The following SMAD5 variants were observed in gnomAD, a reference collection of about 807,000 sequenced individuals.
The protein encoded by SMAD5 is SMAD family member 5, also known as MAD, mothers against decapentaplegic homolog 5.
In SMAD5, 9 loss-of-function variants were observed where a neutral mutation model predicts 43.1. That is an observed-to-expected ratio of 0.21 (90% CI 0.13 to 0.36). The LOEUF is 0.36. Among genes scored for constraint, SMAD5 ranks in the 10% least tolerant of loss-of-function variants. The probability of loss-of-function intolerance (pLI) is 1.00; values close to 1 mark genes in which losing one functional copy is unlikely to be tolerated. For missense variants in SMAD5, 348 were observed against 574.0 expected (o/e 0.61, Z 4.02); for synonymous variants, 190 against 192.4 (o/e 0.99, Z 0.10).
At chr5:136,135,091 A>G (rs1210523448) in intron 1 of SMAD5, among the ~76,000 whole-genome samples, 2 of 152,254 alleles carry the variant, frequency 1.3e-5, no homozygotes, top group African/African-American at 4.8e-5. Flanking sequence ...TAGGCGCCAC[A>G]GAAATGGGTA....
chr5:136,175,984 T>G (rs1412777825), intron 7 of SMAD5, among the ~76,000 whole-genome samples: 1 of 152,128 alleles, frequency 6.6e-6, no homozygotes, highest in Non-Finnish European at 1.5e-5. Context: ...CTATTTCAAT[T>G]TTTATCTGCA....
intron 7 of SMAD5, among the ~76,000 whole-genome samples, chr5:136,174,986 G>A (rs1157470325): frequency 2.0e-5 from 3 of 152,230 alleles, no homozygotes; most frequent in Non-Finnish European, 4.4e-5. Flanking sequence ...TGAAGAAAAA[G>A]AGGTTTAATG....
At chr5:136,169,784 T>A (rs1313968378) in intron 5 of SMAD5, among the ~76,000 whole-genome samples, 4 of 152,214 alleles carry the variant, frequency 2.6e-5, no homozygotes, top group Non-Finnish European at 5.9e-5. Context: ...ACATTTGATG[T>A]TGTCATTGTT....
At chr5:136,135,298 C>T (rs1035527935) in intron 1 of SMAD5, among the ~76,000 whole-genome samples, 1 of 152,188 alleles carries the variant, frequency 6.6e-6, no homozygotes, top group African/African-American at 2.4e-5. Flanking sequence ...TCTGCTTACC[C>T]TCTTCACTGG....
At chr5:136,152,719 C>T (rs1443040638) in intron 2 of SMAD5, 1 of 152,134 alleles carries the variant, frequency 6.6e-6, no homozygotes, top group Non-Finnish European at 1.5e-5. Context: ...TGATTGAACT[C>T]CTGGGCTCAA....
chr5:136,153,512 A>G, intron 2 of SMAD5, 80 bp from the exon 3 acceptor site: 1 of 325,628 alleles, frequency 3.1e-6, no homozygotes, highest in East Asian at 5.4e-5. Flanking sequence ...TTAATAAAAT[A>G]TGCCTTTCGA....
At chr5:136,156,043 C>G (rs975204861) in intron 3 of SMAD5, among the ~76,000 whole-genome samples, 1 of 152,076 alleles carries the variant, frequency 6.6e-6, no homozygotes, top group Non-Finnish European at 1.5e-5. Context: ...TTAGCTGGGT[C>G]CTTTGCAAGG....
chr5:136,138,521 C>T (rs1024357944), intron 1 of SMAD5, among the ~76,000 whole-genome samples: 40 of 152,232 alleles, frequency 2.6e-4, no homozygotes, highest in African/African-American at 9.1e-4. Context: ...TCTCTGCGTG[C>T]AGTTGTGAAT....
At chr5:136,134,094 T>C (rs1258235612) in intron 1 of SMAD5, 1 of 147,206 alleles carries the variant, frequency 6.8e-6, no homozygotes, top group Non-Finnish European at 1.5e-5. Context: ...CTTGTGCATT[T>C]AAATGGGTGT....
Position 136,145,712 on chromosome 5 carries a change from CTAAG to C in SMAD5, c.-244-2118_-244-2115del, listed in dbSNP as rs1203584309. ...CCCTTTATTGAGTATGCACTGTGTACTAAGTGTTTCTCACTTAATTCTCAGAACC... is the reference window on the plus strand; with the variant it reads ...CCCTTTATTGAGTATGCACTGTGTACTGTTTCTCACTTAATTCTCAGAACC... On this transcript the variant is annotated intron_variant, in intron 1 of 7. Transcript: ENST00000545279. Among the ~76,000 whole-genome samples, 7 of 151,994 alleles carry C rather than the reference CTAAG, an allele frequency of 4.6e-5. No individual in the cohort carries two copies. In the South Asian group the frequency reaches 1.2e-3, roughly 27 times the overall value.
chr5:136,148,741 C>G (rs1295120989), intron 2 of SMAD5, among the ~76,000 whole-genome samples: 1 of 151,674 alleles, frequency 6.6e-6, no homozygotes, highest in Non-Finnish European at 1.5e-5. Context: ...ACATTGTTTG[C>G]CATCATTTTT....
chr5:136,165,685 T>A (rs1369658966), intron 5 of SMAD5, among the ~76,000 whole-genome samples: 1 of 142,230 alleles, frequency 7.0e-6, no homozygotes, highest in Non-Finnish European at 1.5e-5. Flanking sequence ...TTTTTTTTTT[T>A]TTTTTTTTTT....
intron 5 of SMAD5, among the ~76,000 whole-genome samples, chr5:136,164,267 G>A (rs1179224337): frequency 2.0e-5 from 3 of 152,164 alleles, no homozygotes; most frequent in African/African-American, 7.2e-5. Flanking sequence ...TAGATATCTA[G>A]GAGTGCAATT....
At position 136,157,366 on chromosome 5, in the gene SMAD5, A is replaced by T. The variant is rs571487097; in HGVS notation, c.403+3203A>T. Reference sequence around the variant, plus strand: ...CCTAAGCTTTTTGGCACCAGGGTCTAGTTTCATGGAAGACAGTCTTTCCAT... The same window carrying T: ...CCTAAGCTTTTTGGCACCAGGGTCTTGTTTCATGGAAGACAGTCTTTCCAT... On this transcript the variant is annotated intron_variant, in intron 3 of 7. Transcript: ENST00000545279. Among the ~76,000 whole-genome samples the T allele has an allele frequency of 3.9e-5, 6 of 152,320 alleles. No individual in the cohort carries two copies. In the South Asian group the frequency reaches 1.2e-3, roughly 32 times the overall value.
chr5:136,143,065 C>A (rs1753138257), intron 1 of SMAD5, among the ~76,000 whole-genome samples: 1 of 151,996 alleles, frequency 6.6e-6, no homozygotes, highest in African/African-American at 2.4e-5. Flanking sequence ...ATATTTATTC[C>A]TTTTCTCCTT....
chr5:136,152,063 C>T (rs1001198261), intron 2 of SMAD5, among the ~76,000 whole-genome samples: 2 of 152,046 alleles, frequency 1.3e-5, no homozygotes, highest in Non-Finnish European at 2.9e-5. Context: ...GAAAAATCAT[C>T]CTACATAGGG....
Position 136,177,752 on chromosome 5 carries a change from G to C in SMAD5, c.*272G>C. ...TGGCATTGATCTTAAACTGGAACAT[G>C]CTTTTACTTTATTGCCCTAACAATT... is the stretch of plus-strand genomic sequence containing the variant. On this transcript the variant is annotated 3_prime_UTR_variant, in exon 8 of 8. Transcript: ENST00000545279. The C allele has an allele frequency of 3.2e-6, 1 of 315,038 alleles. No individual in the cohort carries two copies. The highest frequency in any genetic ancestry group is 5.8e-6 in the Non-Finnish European group (1 of 173,246). The allele number at this position is 315,038 out of a possible 1,614,324, so 19.5% of individuals were successfully genotyped here. A position where few individuals can be genotyped will look rare whatever the true frequency, so the allele number is the denominator to read the frequency against.
At chr5:136,173,663 C>T (rs565151369) in intron 6 of SMAD5, among the ~76,000 whole-genome samples, 1 of 151,614 alleles carries the variant, frequency 6.6e-6, no homozygotes, top group African/African-American at 2.4e-5. Context: ...TTTCTTTTTC[C>T]CCAGCATATA....
chr5:136,152,522 T>A (rs573432738), intron 2 of SMAD5, among the ~76,000 whole-genome samples: 1 of 152,304 alleles, frequency 6.6e-6, no homozygotes, highest in South Asian at 2.1e-4. Context: ...AAGCTATAGC[T>A]TTTGGCAATT....
Sources: allele counts gnomAD v4.1 joint callset (sites outside exome capture counted in the v4.1 genomes callset), GRCh38; gene constraint gnomAD v4.1.1; transcripts MANE v1.5; gene names NCBI Gene and HGNC (gene_info 2026-07-23, HGNC 2026-07-21).